KIAA1217: variants seen among roughly 807,000 people sequenced by gnomAD.
The protein encoded by KIAA1217 is KIAA1217.
In KIAA1217, 88 loss-of-function variants were observed where a neutral mutation model predicts 163.9. That is an observed-to-expected ratio of 0.54 (90% CI 0.45 to 0.64). The LOEUF (loss-of-function observed/expected upper bound fraction) is 0.64, where lower values mean the gene tolerates loss of function less well. KIAA1217 is among the 30% of genes least tolerant of loss of function. KIAA1217 has a pLI of 0.00. For synonymous variants in KIAA1217, 903 were observed against 923.1 expected, an observed-to-expected ratio of 0.98 and a Z score of 0.39; for missense variants, 2,372 against 2,475.0, an observed-to-expected ratio of 0.96 and a Z score of 0.88.
At chr10:23,856,330 T>G (rs548940648) in intron 1 of KIAA1217, among the ~76,000 whole-genome samples, 1 of 152,348 alleles carries the variant, frequency 6.6e-6, no homozygotes, top group South Asian at 2.1e-4. Flanking sequence ...ACAGCGGATT[T>G]TCGTGAACCG....
At chr10:23,861,079 A>G (rs1365220211) in intron 1 of KIAA1217, among the ~76,000 whole-genome samples, 1 of 151,772 alleles carries the variant, frequency 6.6e-6, no homozygotes, top group African/African-American at 2.4e-5. Flanking sequence ...TGACTGGCTA[A>G]TTTTTGTATT....
intron 2 of KIAA1217, among the ~76,000 whole-genome samples, chr10:24,247,629 C>T (rs1223157104): frequency 6.6e-6 from 1 of 152,170 alleles, no homozygotes; most frequent in African/African-American, 2.4e-5. Flanking sequence ...AACCCCGTCT[C>T]TACTAAAAAT....
intron 2 of KIAA1217, among the ~76,000 whole-genome samples, chr10:24,116,949 G>A (rs181682096): frequency 1.3e-4 from 20 of 152,160 alleles, no homozygotes; most frequent in Admixed American, 8.5e-4. Flanking sequence ...TTAATACACG[G>A]TTACTGCTTT....
In KIAA1217 at chr10:24,283,936, G is replaced by T. The variant is rs545798980; in HGVS notation, c.354+64027G>T. On this transcript the variant is annotated intron_variant, in intron 2 of 20. Coordinates refer to ENST00000376454, the MANE Select transcript of KIAA1217 (RefSeq NM_019590.5). ...TTTTTTTTTATGTTTTTGAGACGGAGTCTCACTCTGTCACCCAGGCTGGAG... is the reference window on the plus strand; with the variant it reads ...TTTTTTTTTATGTTTTTGAGACGGATTCTCACTCTGTCACCCAGGCTGGAG... Among the ~76,000 whole-genome samples, 3 of 150,890 alleles carry T rather than the reference G, an allele frequency of 2.0e-5. No homozygotes were observed. In the South Asian group the frequency reaches 6.3e-4, roughly 32 times the overall value.
intron 1 of KIAA1217, among the ~76,000 whole-genome samples, chr10:23,798,898 T>G (rs1836337022): frequency 6.6e-6 from 1 of 152,196 alleles, no homozygotes; most frequent in Non-Finnish European, 1.5e-5. Flanking sequence ...CATGACAAAG[T>G]ACCACAAACA....
chr10:24,350,591 G>A (rs1056529736), intron 2 of KIAA1217, among the ~76,000 whole-genome samples: 1 of 152,068 alleles, frequency 6.6e-6, no homozygotes, highest in Non-Finnish European at 1.5e-5. Context: ...CTCTCCCTGT[G>A]GAGAAGAATC....
At chr10:23,953,979 G>A (rs1467206798) in intron 1 of KIAA1217, among the ~76,000 whole-genome samples, 1 of 152,138 alleles carries the variant, frequency 6.6e-6, no homozygotes, top group Non-Finnish European at 1.5e-5. Context: ...GTTTCTCAGT[G>A]AAGCTCTTCT....
At chr10:24,143,815 AAAAAAAAAAAAAAC>A (rs1191025493) in intron 2 of KIAA1217, among the ~76,000 whole-genome samples, 2 of 134,496 alleles carry the variant, frequency 1.5e-5, no homozygotes, top group Non-Finnish European at 3.2e-5. Flanking sequence ...ATTCCTGATT[AAAAAAAAAAAAAAC>A]AAAAACAAAA....
rs115855137 is a variant in KIAA1217 at position 23,806,611 on chromosome 10, T to A, written c.-321+111377T>A. 9.0e-3 allele frequency among the ~76,000 whole-genome samples: 1,368 copies of A among 152,354 alleles called. 21 individuals carry two copies. Among genetic ancestry groups the A allele is most frequent in the African/African-American group, 0.031 (1,304 of 41,578 alleles). The stretch of plus-strand genomic sequence containing the variant: ...TCTTTTTTTGTATTCACATTTCATA[T>A]TCCATTACTTTCCTCTGTCATCTCT... On this transcript the variant is annotated intron_variant, in intron 1 of 18. Coordinates refer to the KIAA1217 transcript ENST00000376462.
intron 1 of KIAA1217, among the ~76,000 whole-genome samples, chr10:23,710,702 T>C (rs1457475900): frequency 6.6e-6 from 1 of 152,204 alleles, no homozygotes. Flanking sequence ...CAAATAAAGA[T>C]TTATATAGCT....
At chr10:24,388,157 C>T (rs1208222840) in intron 3 of KIAA1217, among the ~76,000 whole-genome samples, 1 of 152,170 alleles carries the variant, frequency 6.6e-6, no homozygotes, top group Non-Finnish European at 1.5e-5. Context: ...TCAAACTATA[C>T]TACAAGGCTA....
intron 2 of KIAA1217, among the ~76,000 whole-genome samples, chr10:24,126,055 A>G (rs2063462123): frequency 6.6e-6 from 1 of 152,164 alleles, no homozygotes; most frequent in Admixed American, 6.5e-5. Flanking sequence ...TCCTTGTCTC[A>G]AAGTAACCAT....
intron 6 of KIAA1217, among the ~76,000 whole-genome samples, chr10:24,477,278 C>T (rs1394926710): frequency 2.6e-5 from 4 of 152,174 alleles, no homozygotes; most frequent in South Asian, 2.1e-4. Context: ...GGTTTCTATA[C>T]ATTATATGAT....
intron 1 of KIAA1217, among the ~76,000 whole-genome samples, chr10:23,841,249 C>G (rs1390323493): frequency 6.6e-6 from 1 of 151,898 alleles, no homozygotes; most frequent in Non-Finnish European, 1.5e-5. Context: ...GTAACAGAAG[C>G]CTGCGATGTA....
At chr10:24,500,980 T>C (rs571902748) in intron 8 of KIAA1217, among the ~76,000 whole-genome samples, 40 of 152,176 alleles carry the variant, frequency 2.6e-4, no homozygotes, top group Non-Finnish European at 5.1e-4. Context: ...CAGCTGGAGA[T>C]ACCGTTAACA....
At chr10:24,299,619 G>C (rs77640486) in intron 2 of KIAA1217, among the ~76,000 whole-genome samples, 1,726 of 152,140 alleles carry the variant, frequency 0.011, 31 homozygotes, top group East Asian at 0.084. Context: ...AGGCTGGTTT[G>C]AAACTCCTGA....
chr10:23,977,989 A>G (rs556849727), intron 1 of KIAA1217, among the ~76,000 whole-genome samples: 10 of 152,316 alleles, frequency 6.6e-5, no homozygotes, highest in Admixed American at 3.3e-4. Flanking sequence ...TGCAGCTCCT[A>G]GTAATTGTAG....
At position 24,228,776 on chromosome 10, in the gene KIAA1217, T is replaced by C. The variant is rs553319301; in HGVS notation, c.354+8867T>C. The stretch of plus-strand genomic sequence containing the variant: ...TAAAATCTTCCTGCTCTAGTTTGTT[T>C]CATCAGCTCTCCCAATGTAATTGAT... On this transcript the variant is annotated intron_variant, in intron 2 of 20. Transcript: ENST00000376454. Among the ~76,000 whole-genome samples the C allele has an allele frequency of 7.7e-4, 118 of 152,324 alleles. 2 individuals carry two copies. Among genetic ancestry groups the C allele is most frequent in the African/African-American group, 2.5e-3 (103 of 41,568 alleles).
chr10:24,278,824 T>A (rs2132148471), intron 2 of KIAA1217, among the ~76,000 whole-genome samples: 1 of 152,026 alleles, frequency 6.6e-6, no homozygotes, highest in African/African-American at 2.4e-5. Context: ...GACTGAGTAA[T>A]TTGAATCTGC....
Sources: allele counts gnomAD v4.1 joint callset (sites outside exome capture counted in the v4.1 genomes callset), GRCh38; gene constraint gnomAD v4.1.1; transcripts MANE v1.5; gene names NCBI Gene and HGNC (gene_info 2026-07-23, HGNC 2026-07-21).